SRGAP1: variants seen among roughly 807,000 people sequenced by gnomAD.
SRGAP1 encodes the protein SLIT-ROBO Rho GTPase-activating protein 1.
Under a neutral mutation model 121.9 loss-of-function variants are expected in SRGAP1, and 43 were observed. The observed-to-expected ratio is 0.35, with a 90% CI of 0.28 to 0.46. The LOEUF (loss-of-function observed/expected upper bound fraction) is 0.46, where lower values mean the gene tolerates loss of function less well. Among genes scored for constraint, SRGAP1 ranks in the 20% least tolerant of loss-of-function variants. SRGAP1 has a pLI of 1.00. For synonymous variants in SRGAP1, 447 were observed against 485.4 expected, an observed-to-expected ratio of 0.92 and a Z score of 1.04; for missense variants, 1,102 against 1,350.9, an observed-to-expected ratio of 0.82 and a Z score of 2.89.
intron 1 of SRGAP1, among the ~76,000 whole-genome samples, chr12:63,942,317 A>G (rs2031897287): frequency 6.6e-6 from 1 of 152,254 alleles, no homozygotes; most frequent in South Asian, 2.1e-4. Context: ...TAGATTTTCT[A>G]TGTAATTAAA....
chr12:63,878,729 C>T (rs1900102567), intron 1 of SRGAP1: 1 of 152,164 alleles, frequency 6.6e-6, no homozygotes, highest in Admixed American at 6.5e-5. Flanking sequence ...TTGGAGAGTC[C>T]TGGCTTTACA....
chr12:64,063,062 A>G lies in SRGAP1; in HGVS notation c.947A>G (p.Gln316Arg). 1 of 1,614,136 alleles carries G rather than the reference A, an allele frequency of 6.2e-7. No individual in the cohort carries two copies. Among genetic ancestry groups the G allele is most frequent in the Non-Finnish European group, 8.5e-7 (1 of 1,180,002 alleles). ...VDNLEPRSDK[Q>R]RFMEMYPAAF... ...AATTTAGAGCCCAGGAGCGATAAGC[A>G]GAGATTCATGGAGATGTACCCTGCT... The change falls in exon 7 of 22, where the codon CAG becomes CGG. Residue 316 changes from glutamine to arginine, a missense_variant. This residue lies in a region of SRGAP1 where 747 missense variants were observed against 929.4 expected (regional missense o/e 0.80). Transcript: ENST00000355086.
intron 1 of SRGAP1, among the ~76,000 whole-genome samples, chr12:63,966,638 G>A (rs181051754): frequency 2.0e-5 from 3 of 152,140 alleles, no homozygotes; most frequent in East Asian, 1.9e-4. Flanking sequence ...GTGAGGGAAG[G>A]AATGGGGGTG....
At chr12:63,962,765 A>T (rs531408506) in intron 1 of SRGAP1, among the ~76,000 whole-genome samples, 1 of 152,204 alleles carries the variant, frequency 6.6e-6, no homozygotes, top group African/African-American at 2.4e-5. Flanking sequence ...ATAGAACTGC[A>T]TTGTCCAATA....
At chr12:63,965,546 C>T (rs2032766647) in intron 1 of SRGAP1, among the ~76,000 whole-genome samples, 1 of 151,872 alleles carries the variant, frequency 6.6e-6, no homozygotes, top group Non-Finnish European at 1.5e-5. Context: ...TAGCTCACAC[C>T]TATAATCCCA....
At position 64,007,967 on chromosome 12, in the gene SRGAP1, AAAAC is replaced by A. The variant is rs534119973; in HGVS notation, c.427-8979_427-8976del. ...ATAGACTGTTGCATTCAAATTTAGA[AAAAC>A]AAAGTGTCTTCACAAGATAAAGATA... On this transcript the variant is annotated intron_variant, in intron 3 of 21. Coordinates refer to ENST00000355086, the MANE Select transcript of SRGAP1 (RefSeq NM_020762.4). Among the ~76,000 whole-genome samples the A allele has an allele frequency of 3.4e-4, 52 of 152,322 alleles. 1 individual carries two copies. The East Asian group carries it at 9.8e-3, about 29-fold the overall frequency.
intron 10 of SRGAP1, chr12:64,082,001 C>CTTTTTTTTTTTTGT (rs2035853498): frequency 1.5e-5 from 1 of 66,124 alleles, no homozygotes; most frequent in Non-Finnish European, 2.5e-5. Flanking sequence ...CATGTAAGGT[C>CTTTTTTTTTTTTGT]TTTTTTTTTT....
intron 10 of SRGAP1, among the ~76,000 whole-genome samples, chr12:64,084,402 A>T (rs986207247): frequency 2.6e-5 from 4 of 152,206 alleles, no homozygotes; most frequent in Non-Finnish European, 4.4e-5. Flanking sequence ...AAAGAAAATG[A>T]TTGAAATCTA....
intron 1 of SRGAP1, among the ~76,000 whole-genome samples, chr12:63,945,974 A>G (rs2032032872): frequency 6.7e-6 from 1 of 150,060 alleles, no homozygotes; most frequent in Non-Finnish European, 1.5e-5. Flanking sequence ...ACCCACACAT[A>G]CCTTCCTACC....
At chr12:64,026,473 TCTTAACTCAC>T (rs146182073) in intron 4 of SRGAP1, among the ~76,000 whole-genome samples, 2,190 of 152,280 alleles carry the variant, frequency 0.014, 48 homozygotes, top group African/African-American at 0.05. Flanking sequence ...ATTCAACATA[TCTTAACTCAC>T]TGGCATAGTT....
At chr12:63,956,196 C>A (rs1555245149) in intron 1 of SRGAP1, among the ~76,000 whole-genome samples, 1 of 151,986 alleles carries the variant, frequency 6.6e-6, no homozygotes, top group Non-Finnish European at 1.5e-5. Flanking sequence ...GTGAAAAGTA[C>A]AAAATTACTG....
intron 1 of SRGAP1, among the ~76,000 whole-genome samples, chr12:63,973,662 A>G (rs762939756): frequency 2.6e-5 from 4 of 152,266 alleles, no homozygotes; most frequent in Non-Finnish European, 5.9e-5. Flanking sequence ...TATTGCAATA[A>G]GACAAATAGC....
At chr12:63,931,918 C>T (rs2031488757) in intron 1 of SRGAP1, among the ~76,000 whole-genome samples, 2 of 152,122 alleles carry the variant, frequency 1.3e-5, no homozygotes, top group Admixed American at 1.3e-4. Context: ...TTTGAGTGCA[C>T]ATAGAACGAT....
rs2037100977 is a variant in SRGAP1 at position 64,150,082 on chromosome 12, G to A, written c.*7410G>A. ...AAAACAAAATAGTTTTTCTATCAAG[G>A]TCAGTCTCAGCAAGAGAAATGGGAC... On this transcript the variant is annotated 3_prime_UTR_variant, in exon 22 of 22. Coordinates refer to ENST00000355086, the MANE Select transcript of SRGAP1 (RefSeq NM_020762.4). The A allele has an allele frequency of 6.6e-6, 1 of 151,028 alleles. No homozygotes were observed. Among genetic ancestry groups the A allele is most frequent in the South Asian group, 2.1e-4 (1 of 4,768 alleles). 9.4% of individuals were successfully genotyped at this position (151,028 alleles called of 1,614,324 possible). A position where few individuals can be genotyped will look rare whatever the true frequency, so the allele number is the denominator to read the frequency against.
At chr12:63,978,723 G>T (rs549090986) in intron 1 of SRGAP1, among the ~76,000 whole-genome samples, 1 of 152,282 alleles carries the variant, frequency 6.6e-6, no homozygotes, top group South Asian at 2.1e-4. Context: ...GTATACCTAG[G>T]AGCAGAATGG....
chr12:64,034,519 A>G (rs1471373246), intron 4 of SRGAP1, among the ~76,000 whole-genome samples: 1 of 152,242 alleles, frequency 6.6e-6, no homozygotes, highest in African/African-American at 2.4e-5. Context: ...ATTAGAAACA[A>G]CAATCCCTCC....
intron 1 of SRGAP1, among the ~76,000 whole-genome samples, chr12:63,883,346 A>G (rs1900257174): frequency 6.6e-6 from 1 of 152,176 alleles, no homozygotes; most frequent in Non-Finnish European, 1.5e-5. Context: ...AGCAAAGGTG[A>G]TTTACCTAGG....
chr12:63,937,638 G>A (rs1008072654), intron 1 of SRGAP1, among the ~76,000 whole-genome samples: 2 of 152,166 alleles, frequency 1.3e-5, no homozygotes, highest in African/African-American at 4.8e-5. Context: ...AAATCCTGAC[G>A]TTTTGATTTC....
At chr12:64,000,242 GT>G (rs2136433658) in intron 3 of SRGAP1, among the ~76,000 whole-genome samples, 1 of 132,924 alleles carries the variant, frequency 7.5e-6, no homozygotes, top group South Asian at 2.4e-4. Context: ...AGGTAGGGGT[GT>G]GTGTGTGTGT....
Sources: gnomAD v4.1 joint callset for allele counts (sites outside exome capture counted in the v4.1 genomes callset) on GRCh38, gnomAD v4.1.1 for gene constraint, gnomAD v4.1.1 regional missense constraint, MANE v1.5 for transcripts, NCBI Gene and HGNC (gene_info 2026-07-23, HGNC 2026-07-21) for gene names.